The following NREP variants were observed in gnomAD, a reference collection of about 807,000 sequenced individuals.
The protein encoded by NREP is neuronal regeneration related protein.
A neutral mutation model predicts 8.6 loss-of-function variants in NREP; 5 were observed. The observed-to-expected ratio is 0.58, with a 90% CI of 0.30 to 1.22. The LOEUF is 1.22. Among genes scored for constraint, NREP ranks in the 50% most tolerant of loss-of-function variants. The probability of loss-of-function intolerance (pLI) is 0.07; values close to 1 mark genes in which losing one functional copy is unlikely to be tolerated. For synonymous variants in NREP, 27 were observed against 28.0 expected (o/e 0.96, Z 0.11); for missense variants, 86 against 82.5 (o/e 1.04, Z -0.17).
At chr5:111,966,085 T>C (rs1756636867) in intron 2 of NREP, among the ~76,000 whole-genome samples, 1 of 152,210 alleles carries the variant, frequency 6.6e-6, no homozygotes, top group Admixed American at 6.5e-5. Flanking sequence ...AGCAGAACTT[T>C]GTGTCCCTGA....
At chr5:111,804,189 A>T (rs1752082391) in intron 2 of NREP, among the ~76,000 whole-genome samples, 1 of 152,248 alleles carries the variant, frequency 6.6e-6, no homozygotes, top group Non-Finnish European at 1.5e-5. Flanking sequence ...CATGAACGTT[A>T]GAACCATAAT....
chr5:111,825,986 C>G (rs1487912585), intron 2 of NREP, among the ~76,000 whole-genome samples: 1 of 147,230 alleles, frequency 6.8e-6, no homozygotes, highest in Non-Finnish European at 1.5e-5. Context: ...GACAGTCTTG[C>G]TCTGTCACCC....
At chr5:111,927,128 C>G (rs1483857997) in intron 2 of NREP, among the ~76,000 whole-genome samples, 1 of 152,054 alleles carries the variant, frequency 6.6e-6, no homozygotes. Context: ...GGTCTGATAA[C>G]TGCCAAACCA....
chr5:111,953,265 G>C (rs757215583), intron 2 of NREP, among the ~76,000 whole-genome samples: 1 of 152,068 alleles, frequency 6.6e-6, no homozygotes, highest in African/African-American at 2.4e-5. Flanking sequence ...TTCTCAGATG[G>C]GCAGTGCACA....
intron 2 of NREP, among the ~76,000 whole-genome samples, chr5:111,944,137 G>A (rs944108385): frequency 9.2e-5 from 14 of 151,952 alleles, no homozygotes; most frequent in Non-Finnish European, 1.5e-5. Context: ...ATTGGATGAG[G>A]GATGCCTACA....
intron 2 of NREP, among the ~76,000 whole-genome samples, chr5:111,930,519 C>T (rs1755508155): frequency 6.6e-6 from 1 of 152,140 alleles, no homozygotes; most frequent in African/African-American, 2.4e-5. Context: ...TGCTAAAGGG[C>T]TCCCTAGACT....
chr5:111,766,318 A>C (rs1206295412), intron 2 of NREP, among the ~76,000 whole-genome samples: 1 of 152,182 alleles, frequency 6.6e-6, no homozygotes, highest in Non-Finnish European at 1.5e-5. Context: ...TTAAAAGTTG[A>C]TATCAGGACA....
intron 2 of NREP, among the ~76,000 whole-genome samples, chr5:111,779,000 A>G (rs1215757582): frequency 6.6e-6 from 1 of 152,090 alleles, no homozygotes; most frequent in East Asian, 1.9e-4. Context: ...CGTTGCAATC[A>G]TACTTTATTG....
intron 2 of NREP, among the ~76,000 whole-genome samples, chr5:111,802,946 G>A (rs1752047882): frequency 1.3e-5 from 2 of 152,158 alleles, no homozygotes; most frequent in Non-Finnish European, 2.9e-5. Context: ...GATATGAAAA[G>A]ATAATCATAG....
chr5:111,730,540 G>GGC lies in NREP; in HGVS notation c.*380_*381insGC, dbSNP rs148331915. 76 of 48,618 alleles carry GGC rather than the reference G, an allele frequency of 1.6e-3. No homozygotes were observed. The highest frequency in any genetic ancestry group is 7.6e-3 in the African/African-American group (59 of 7,728). The allele number at this position is 48,618 out of a possible 1,614,324, so 3.0% of individuals were successfully genotyped here. On this transcript the variant is annotated 3_prime_UTR_variant, in exon 4 of 4. Transcript: ENST00000257435. The stretch of plus-strand genomic sequence containing the variant: ...GTTACATCTAAATGAAAAAAAAGGT[G>GGC]GGGGGGGGACTCTCAGCCTCTGCAA...
chr5:111,917,561 A>T (rs574686141), intron 2 of NREP, among the ~76,000 whole-genome samples: 1 of 152,194 alleles, frequency 6.6e-6, no homozygotes, highest in Non-Finnish European at 1.5e-5. Flanking sequence ...CAACACACAG[A>T]AATCAATAAA....
chr5:111,921,640 C>A (rs1309521477), intron 2 of NREP, among the ~76,000 whole-genome samples: 1 of 151,872 alleles, frequency 6.6e-6, no homozygotes, highest in African/African-American at 2.4e-5. Context: ...TTTGGACAAG[C>A]CTTCATAGTA....
At chr5:111,858,042 T>C (rs1753463421) in intron 2 of NREP, among the ~76,000 whole-genome samples, 3 of 152,038 alleles carry the variant, frequency 2.0e-5, no homozygotes, top group African/African-American at 7.2e-5. Context: ...CAGACTGCAA[T>C]ACCTAAAAAT....
intron 2 of NREP, among the ~76,000 whole-genome samples, chr5:111,848,357 A>G (rs976318734): frequency 2.0e-5 from 3 of 152,172 alleles, no homozygotes; most frequent in Non-Finnish European, 4.4e-5. Flanking sequence ...AAGCTTTCAA[A>G]TTAGTGCAGA....
intron 2 of NREP, among the ~76,000 whole-genome samples, chr5:111,845,353 T>C (rs561972572): frequency 1.3e-5 from 2 of 152,010 alleles, no homozygotes; most frequent in Non-Finnish European, 2.9e-5. Flanking sequence ...CTTGTGAAAG[T>C]ATGTTCGTGC....
chr5:111,794,034 C>T (rs1751817988), intron 2 of NREP, among the ~76,000 whole-genome samples: 1 of 152,180 alleles, frequency 6.6e-6, no homozygotes, highest in Non-Finnish European at 1.5e-5. Context: ...GGCAACACAG[C>T]AAGACCCTAT....
intron 2 of NREP, among the ~76,000 whole-genome samples, chr5:111,775,865 C>G (rs574398417): frequency 1.1e-4 from 16 of 151,950 alleles, no homozygotes; most frequent in Non-Finnish European, 2.4e-4. Context: ...CAATAAAAGA[C>G]CAAGAACCTA....
chr5:111,845,191 T>C (rs955033884), intron 2 of NREP, among the ~76,000 whole-genome samples: 1 of 152,136 alleles, frequency 6.6e-6, no homozygotes, highest in Non-Finnish European at 1.5e-5. Context: ...ACTTGGAGGT[T>C]ATCTGTCTCC....
intron 2 of NREP, among the ~76,000 whole-genome samples, chr5:111,908,798 G>A (rs189429465): frequency 1.3e-5 from 2 of 152,056 alleles, no homozygotes; most frequent in East Asian, 1.9e-4. Flanking sequence ...ACCCACTAAC[G>A]GAATTGCTAG....
Sources: allele counts gnomAD v4.1 joint callset (sites outside exome capture counted in the v4.1 genomes callset), GRCh38; gene constraint gnomAD v4.1.1; transcripts MANE v1.5; gene names NCBI Gene and HGNC (gene_info 2026-07-23, HGNC 2026-07-21).